Variants in PIGU observed in about 807,000 individuals in gnomAD.
PIGU encodes the protein GPI-anchor transamidase component PIGU.
A neutral mutation model predicts 49.9 loss-of-function variants in PIGU; 24 were observed. The observed-to-expected ratio is 0.48, with a 90% CI of 0.35 to 0.68. PIGU has a LOEUF of 0.68. Among genes scored for constraint, PIGU ranks in the 30% least tolerant of loss-of-function variants. The probability of loss-of-function intolerance (pLI) is 0.01; values close to 1 mark genes in which losing one functional copy is unlikely to be tolerated. For missense variants in PIGU, 490 were observed against 532.6 expected, an observed-to-expected ratio of 0.92 and a Z score of 0.79; for synonymous variants, 220 against 205.7, an observed-to-expected ratio of 1.07 and a Z score of -0.59.
At chr20:34,618,387 C>T (rs6088543) in intron 6 of PIGU, among the ~76,000 whole-genome samples, 60,065 of 152,006 alleles carry the variant, frequency 0.4, 12,386 homozygotes, top group Admixed American at 0.55. Context: ...TAGGATGCAA[C>T]TGATGGTCCA....
At position 34,656,062 on chromosome 20, in the gene PIGU, C is replaced by T. The variant is rs184046598; in HGVS notation, c.195+1118G>A. On this transcript the variant is annotated intron_variant, in intron 2 of 11. Transcript: ENST00000217446. The stretch of plus-strand genomic sequence containing the variant: ...AGTCTCGGCTCACTGCAAACTCTGC[C>T]TCCCGGGTTCAAACAATTGTCCTGC... Among the ~76,000 whole-genome samples, 51 of 107,744 alleles carry T rather than the reference C, an allele frequency of 4.7e-4. 12 individuals carry two copies. The highest frequency in any genetic ancestry group is 1.8e-3 in the African/African-American group (50 of 28,468). The allele number at this position is 107,744 out of a possible 152,430, so 70.7% of individuals were successfully genotyped here.
intron 11 of PIGU, among the ~76,000 whole-genome samples, chr20:34,563,086 T>C (rs967606429): frequency 6.6e-6 from 1 of 151,930 alleles, no homozygotes; most frequent in South Asian, 2.1e-4. Flanking sequence ...GTTTTGCAGA[T>C]AAAAAAATGG....
chr20:34,635,196 T>C (rs747623963), intron 5 of PIGU, among the ~76,000 whole-genome samples: 4 of 152,190 alleles, frequency 2.6e-5, no homozygotes, highest in African/African-American at 7.2e-5. Flanking sequence ...ATCTCAAGAA[T>C]AGCTACATTT....
chr20:34,618,861 G>A (rs570946066), intron 6 of PIGU, among the ~76,000 whole-genome samples: 61 of 152,284 alleles, frequency 4.0e-4, no homozygotes, highest in Non-Finnish European at 6.5e-4. Context: ...CCAGTCCAAG[G>A]AGTTTTACCC....
chr20:34,650,700 C>CTCTTTTTTTTTTTTT (rs1986509194), intron 2 of PIGU, among the ~76,000 whole-genome samples: 1 of 38,778 alleles, frequency 2.6e-5, no homozygotes, highest in Non-Finnish European at 4.4e-5. Flanking sequence ...CTTTTTTTCT[C>CTCTTTTTTTTTTTTT]TTTTTTTTTT....
At chr20:34,669,275 T>C (rs971235600) in intron 1 of PIGU, among the ~76,000 whole-genome samples, 3 of 152,134 alleles carry the variant, frequency 2.0e-5, no homozygotes, top group African/African-American at 7.2e-5. Context: ...TATGACTATG[T>C]AGGATATTAA....
chr20:34,614,246 G>A (rs955451762), intron 7 of PIGU, among the ~76,000 whole-genome samples: 6 of 152,034 alleles, frequency 3.9e-5, no homozygotes. Context: ...GCAGTGAACC[G>A]TGACTGCGGC....
chr20:34,657,209 A>T lies in PIGU; in HGVS notation c.166T>A (p.Ser56Thr), dbSNP rs761002355. The T allele has an allele frequency of 1.2e-6, 2 of 1,612,986 alleles. No homozygotes were observed. Among genetic ancestry groups the T allele is most frequent in the Non-Finnish European group, 1.7e-6 (2 of 1,178,990 alleles). Residue 56 changes from serine (S) to threonine (T), a missense_variant, in exon 2 of 12, where the codon TCT (serine) becomes ACT (threonine). Physicochemically the swap from Ser to Thr is moderately conservative, Grantham distance 58. Coordinates refer to ENST00000217446, the MANE Select transcript of PIGU (RefSeq NM_080476.5). Reference protein sequence around the residue: ...EGLSLLDLGVSPYSGAVFHET... With the variant: ...EGLSLLDLGVTPYSGAVFHET... Reference sequence around the variant, plus strand: ...TGAAATACTGCTCCAGAATACGGAGATACTCCCAAGTCCAACAGTGAAAGG... The same window carrying T: ...TGAAATACTGCTCCAGAATACGGAGTTACTCCCAAGTCCAACAGTGAAAGG...
chr20:34,599,183 T>C (rs1403997451), intron 7 of PIGU, among the ~76,000 whole-genome samples: 1 of 152,174 alleles, frequency 6.6e-6, no homozygotes, highest in African/African-American at 2.4e-5. Flanking sequence ...CCAGGTGCAG[T>C]GGGCCATGCC....
At chr20:34,665,464 A>G (rs1303707887) in intron 1 of PIGU, among the ~76,000 whole-genome samples, 1 of 151,120 alleles carries the variant, frequency 6.6e-6, no homozygotes, top group Non-Finnish European at 1.5e-5. Flanking sequence ...CGGCCTCCCA[A>G]AGTGCTGGGA....
At chr20:34,605,404 G>A (rs1057013230) in intron 7 of PIGU, among the ~76,000 whole-genome samples, 1 of 152,184 alleles carries the variant, frequency 6.6e-6, no homozygotes, top group African/African-American at 2.4e-5. Flanking sequence ...TAGTGTCAAA[G>A]GAGGAAGTAC....
intron 2 of PIGU, among the ~76,000 whole-genome samples, chr20:34,651,953 A>C (rs1179234491): frequency 1.3e-5 from 2 of 152,114 alleles, no homozygotes; most frequent in Non-Finnish European, 2.9e-5. Context: ...ACAAAAAAAA[A>C]ATTAGCTGGG....
intron 10 of PIGU, among the ~76,000 whole-genome samples, chr20:34,580,101 G>A (rs1287122918): frequency 6.6e-6 from 1 of 152,216 alleles, no homozygotes; most frequent in Non-Finnish European, 1.5e-5. Context: ...CAGCAAATGG[G>A]ATGAAAGACA....
intron 1 of PIGU, among the ~76,000 whole-genome samples, chr20:34,671,642 CG>C (rs924310333): frequency 2.0e-5 from 3 of 151,944 alleles, no homozygotes; most frequent in Admixed American, 6.6e-5. Flanking sequence ...ATTTCTTGGC[CG>C]GGCGCAGTGG....
intron 6 of PIGU, among the ~76,000 whole-genome samples, chr20:34,619,320 A>C (rs1985121390): frequency 6.6e-6 from 1 of 152,086 alleles, no homozygotes; most frequent in African/African-American, 2.4e-5. Context: ...GAACCAGGTC[A>C]CTCTGGGATA....
At chr20:34,585,384 G>A in intron 9 of PIGU, 53 bp downstream of exon 9, 2 of 1,574,878 alleles carry the variant, frequency 1.3e-6, no homozygotes, top group South Asian at 2.3e-5. Flanking sequence ...ACTAGAGGCA[G>A]GGGCTTCTCG....
Position 34,560,702 on chromosome 20 carries a change from C to T in PIGU, c.*164G>A. 2 of 510,230 alleles carry T rather than the reference C, an allele frequency of 3.9e-6. No homozygotes were observed. The highest frequency in any genetic ancestry group is 3.4e-6 in the Non-Finnish European group (1 of 294,056). 31.6% of individuals were successfully genotyped at this position (510,230 alleles called of 1,614,324 possible). ...TCCCAGTTCTTCCCCATAGGCCTTG[C>T]TGTCAGTCAGCCATGGGTCCCTTTT... On this transcript the variant is annotated 3_prime_UTR_variant, in exon 12 of 12. Coordinates refer to ENST00000217446, the MANE Select transcript of PIGU (RefSeq NM_080476.5).
At position 34,643,443 on chromosome 20, in the gene PIGU, T is replaced by C. The variant is rs186282690; in HGVS notation, c.318+721A>G. 175 of 152,296 alleles carry C rather than the reference T, an allele frequency of 1.1e-3. 1 individual carries two copies. The highest frequency in any genetic ancestry group is 4.0e-3 in the African/African-American group (167 of 41,544). 9.4% of individuals were successfully genotyped at this position (152,296 alleles called of 1,614,324 possible). On this transcript the variant is annotated intron_variant, in intron 4 of 11. Transcript: ENST00000217446. Reference sequence around the variant, plus strand: ...GTTTCATTAGTAACAAAAGCTAAAATGAACCACAAACAGACAATGCCAATG... The same window carrying C: ...GTTTCATTAGTAACAAAAGCTAAAACGAACCACAAACAGACAATGCCAATG...
chr20:34,666,101 G>A (rs1416737458), intron 1 of PIGU, among the ~76,000 whole-genome samples: 15 of 152,030 alleles, frequency 9.9e-5, no homozygotes, highest in Non-Finnish European at 2.2e-4. Context: ...CAGGAGAACT[G>A]CTTGAACCCA....
Sources: gnomAD v4.1 joint callset for allele counts (sites outside exome capture counted in the v4.1 genomes callset) on GRCh38, gnomAD v4.1.1 for gene constraint, MANE v1.5 for transcripts, NCBI Gene and HGNC (gene_info 2026-07-23, HGNC 2026-07-21) for gene names.